The following CDH4 variants were observed in gnomAD, a reference collection of about 807,000 sequenced individuals.
CDH4 encodes the protein cadherin 4, also known as cadherin-4.
CDH4 carries 33 observed loss-of-function variants against 86.0 expected under a neutral mutation model. The observed-to-expected ratio is 0.38, with a 90% CI of 0.29 to 0.51. The LOEUF (loss-of-function observed/expected upper bound fraction) is 0.51, where lower values mean the gene tolerates loss of function less well. Ranked by LOEUF, CDH4 falls within the 20% of genes least tolerant of loss-of-function variation. The pLI is 0.86. For missense variants in CDH4, 1,114 were observed against 1,307.4 expected (o/e 0.85, Z 2.28); for synonymous variants, 555 against 549.4 (o/e 1.01, Z -0.14).
rs539408446 is a variant in CDH4 at position 61,859,862 on chromosome 20, T to G, written c.877+6964T>G. Among the ~76,000 whole-genome samples the G allele has an allele frequency of 2.6e-5, 4 of 152,376 alleles. No individual in the cohort carries two copies. In the South Asian group the frequency reaches 8.3e-4, roughly 32 times the overall value. ...ATGCCCTGGCCTTCACCTGTGTCCCTCCACCAGGGTGGGAACATGCACACA... is the reference window on the plus strand; with the variant it reads ...ATGCCCTGGCCTTCACCTGTGTCCCGCCACCAGGGTGGGAACATGCACACA... On this transcript the variant is annotated intron_variant, in intron 6 of 15. Coordinates refer to ENST00000614565, the MANE Select transcript of CDH4 (RefSeq NM_001794.5).
intron 2 of CDH4, among the ~76,000 whole-genome samples, chr20:61,287,400 A>T (rs998277330): frequency 2.6e-5 from 4 of 152,118 alleles, no homozygotes; most frequent in Non-Finnish European, 4.4e-5. Context: ...ACTTCAGCCC[A>T]GGAGGTCAAG....
chr20:61,514,363 T>G (rs1568872370), intron 2 of CDH4, among the ~76,000 whole-genome samples: 1 of 132,700 alleles, frequency 7.5e-6, no homozygotes, highest in Admixed American at 8.0e-5. Flanking sequence ...TGGTTGGCAT[T>G]TTCTGTCTGG....
chr20:61,762,765 T>C (rs181307720), intron 3 of CDH4, among the ~76,000 whole-genome samples: 1 of 152,368 alleles, frequency 6.6e-6, no homozygotes, highest in East Asian at 1.9e-4. Context: ...CACAGGGCTA[T>C]GCTGCCTATC....
chr20:61,476,670 C>T (rs2085538059), intron 2 of CDH4, among the ~76,000 whole-genome samples: 1 of 152,212 alleles, frequency 6.6e-6, no homozygotes, highest in Non-Finnish European at 1.5e-5. Context: ...AAGAGCTCTG[C>T]AATTAAGTGT....
intron 2 of CDH4, among the ~76,000 whole-genome samples, chr20:61,476,077 G>A (rs537581482): frequency 8.5e-5 from 13 of 152,316 alleles, no homozygotes; most frequent in Non-Finnish European, 1.5e-4. Flanking sequence ...GGTGACATAA[G>A]CCACGAGCTT....
chr20:61,666,715 C>T (rs747018835), intron 2 of CDH4, among the ~76,000 whole-genome samples: 1 of 152,242 alleles, frequency 6.6e-6, no homozygotes, highest in Non-Finnish European at 1.5e-5. Context: ...CCCAGATCGC[C>T]ACTCTCCACA....
chr20:61,560,741 C>T (rs1045937871), intron 2 of CDH4, among the ~76,000 whole-genome samples: 7 of 152,248 alleles, frequency 4.6e-5, no homozygotes, highest in Admixed American at 2.0e-4. Flanking sequence ...TGGTGACCAC[C>T]TCGCCATGAA....
intron 4 of CDH4, among the ~76,000 whole-genome samples, chr20:61,824,636 A>G (rs1198069125): frequency 6.6e-6 from 1 of 152,216 alleles, no homozygotes; most frequent in Non-Finnish European, 1.5e-5. Flanking sequence ...CTTGGTAGAA[A>G]AGTAGTCTTG....
intron 3 of CDH4, among the ~76,000 whole-genome samples, chr20:61,768,270 C>A (rs1383044924): frequency 2.6e-5 from 4 of 152,170 alleles, no homozygotes; most frequent in African/African-American, 9.7e-5. Context: ...CACATGTATT[C>A]ATACATGTGC....
intron 5 of CDH4, among the ~76,000 whole-genome samples, chr20:61,846,419 G>A (rs896690130): frequency 1.3e-5 from 2 of 152,284 alleles, no homozygotes; most frequent in Admixed American, 6.5e-5. Context: ...CCGTCAACAC[G>A]CGTCTACAAC....
rs929447657 is a variant in CDH4 at position 61,544,147 on chromosome 20, G to A, written c.170-199416G>A. On this transcript the variant is annotated intron_variant, in intron 2 of 15. Coordinates refer to ENST00000614565, the MANE Select transcript of CDH4 (RefSeq NM_001794.5). The surrounding 1 kb of genome is among the most constrained non-coding windows in gnomAD (Gnocchi z 6.5). Reference sequence around the variant, plus strand: ...CTACACTGTGTGGTCCGGTCCCACGGCCATGTGGTCTCTTTAGATCTGCGG... The same window carrying A: ...CTACACTGTGTGGTCCGGTCCCACGACCATGTGGTCTCTTTAGATCTGCGG... 6.6e-6 allele frequency among the ~76,000 whole-genome samples: 1 copy of A among 152,184 alleles called. No individual in the cohort carries two copies. The highest frequency in any genetic ancestry group is 1.5e-5 in the Non-Finnish European group (1 of 68,028).
chr20:61,828,287 C>T (rs531495591), intron 4 of CDH4, among the ~76,000 whole-genome samples: 73 of 152,180 alleles, frequency 4.8e-4, no homozygotes, highest in Non-Finnish European at 9.3e-4. Context: ...GCACCCACCA[C>T]CCGCCACCTG....
rs558766888 is a variant in CDH4, at chr20:61,422,746, C to G, written c.169+167809C>G. Among the ~76,000 whole-genome samples, 98 of 152,232 alleles carry G rather than the reference C, an allele frequency of 6.4e-4. 3 individuals are homozygous for G. The South Asian group carries it at 7.9e-3, about 12-fold the overall frequency. On this transcript the variant is annotated intron_variant, in intron 2 of 15. Transcript: ENST00000614565. ...TGGCCTCAGGAGGCTTCTGAGAGTT[C>G]CTGTTCTTGGCCACCTTGCACCTGC...
chr20:61,888,573 C>T (rs1219663802), intron 7 of CDH4, among the ~76,000 whole-genome samples: 1 of 152,228 alleles, frequency 6.6e-6, no homozygotes, highest in African/African-American at 2.4e-5. Context: ...GGCCTCAGGC[C>T]CAGCGAATGT....
intron 2 of CDH4, among the ~76,000 whole-genome samples, chr20:61,629,218 C>T (rs139712054): frequency 6.6e-6 from 1 of 152,280 alleles, no homozygotes; most frequent in Non-Finnish European, 1.5e-5. Flanking sequence ...GAAGGCCAGG[C>T]GGTGCAGGCC....
intron 2 of CDH4, among the ~76,000 whole-genome samples, chr20:61,530,012 G>A (rs1276938222): frequency 1.3e-5 from 2 of 151,632 alleles, no homozygotes; most frequent in Non-Finnish European, 2.9e-5. Context: ...TAATTTATTT[G>A]TTTTTGTTTG....
chr20:61,440,724 G>A lies in CDH4; in HGVS notation c.169+185787G>A, dbSNP rs143378296. Among the ~76,000 whole-genome samples the A allele has an allele frequency of 9.3e-4, 142 of 152,250 alleles. 2 individuals carry two copies. The East Asian group carries it at 0.025, about 27-fold the overall frequency. ...GGGCTGCAATGCCTGCTTTCTTCTCGGCCCGTGGCGGGCGCCATGGAGGAA... is the reference window on the plus strand; with the variant it reads ...GGGCTGCAATGCCTGCTTTCTTCTCAGCCCGTGGCGGGCGCCATGGAGGAA... On this transcript the variant is annotated intron_variant, in intron 2 of 15. Transcript: ENST00000614565.
At position 61,923,511 on chromosome 20, in the gene CDH4, C is replaced by T. The variant is rs1457685343; in HGVS notation, c.1435C>T (p.Pro479Ser). 3 of 1,614,188 alleles carry T rather than the reference C, an allele frequency of 1.9e-6. No individual in the cohort carries two copies. The highest frequency in any genetic ancestry group is 3.3e-5 in the Admixed American group (2 of 60,030). ...GACAGTGATGGTGTCCAACCAGGCG[C>T]CCCTGGCCAGCGGAATCCAGATGTC... Reference protein sequence around the residue: ...MLTVMVSNQAPLASGIQMSFQ... With the variant: ...MLTVMVSNQASLASGIQMSFQ... Residue 479 changes from proline (P) to serine (S), a missense_variant, in exon 10 of 16, where the codon CCC (proline) becomes TCC (serine). Pro to Ser is a moderately conservative substitution (Grantham distance 74). Around this residue, in one of 3 missense-constraint regions of CDH4, gnomAD observed 705 missense variants for 914.1 expected, o/e 0.77. Coordinates refer to ENST00000614565, the MANE Select transcript of CDH4 (RefSeq NM_001794.5).
intron 2 of CDH4, among the ~76,000 whole-genome samples, chr20:61,338,087 C>T (rs1170058818): frequency 1.3e-5 from 2 of 152,148 alleles, no homozygotes; most frequent in Admixed American, 1.3e-4. Flanking sequence ...AAGGAGAGAT[C>T]AGAGTCATTG....
Sources: gnomAD v4.1 joint callset for allele counts (sites outside exome capture counted in the v4.1 genomes callset) on GRCh38, gnomAD v4.1.1 for gene constraint, gnomAD v4.1.1 regional missense constraint, Gnocchi (gnomAD v3.1) non-coding constraint, MANE v1.5 for transcripts, NCBI Gene and HGNC (gene_info 2026-07-23, HGNC 2026-07-21) for gene names.